Variants in CLINT1 observed in about 807,000 individuals in gnomAD.
The protein encoded by CLINT1 is clathrin interactor 1.
A neutral mutation model predicts 70.4 loss-of-function variants in CLINT1; 15 were observed. The ratio of observed to expected loss-of-function variants is 0.21; its 90% CI spans 0.14 to 0.33. CLINT1 has a LOEUF of 0.33. Among genes scored for constraint, CLINT1 ranks in the 10% least tolerant of loss-of-function variants. The probability of loss-of-function intolerance (pLI) is 1.00; values close to 1 mark genes in which losing one functional copy is unlikely to be tolerated. For synonymous variants in CLINT1, 227 were observed against 254.7 expected (o/e 0.89, Z 1.04); for missense variants, 615 against 778.1 (o/e 0.79, Z 2.49).
intron 3 of CLINT1, 110 bp downstream of exon 3, chr5:157,816,624 A>G: frequency 1.5e-6 from 1 of 665,730 alleles, no homozygotes; most frequent in South Asian, 1.9e-5. Flanking sequence ...GCTTTCGATT[A>G]TTCTATTCTA....
intron 1 of CLINT1, among the ~76,000 whole-genome samples, chr5:157,828,889 G>T (rs1246531075): frequency 7.4e-6 from 1 of 135,328 alleles, no homozygotes; most frequent in Non-Finnish European, 1.5e-5. Context: ...AGGAGTTCGA[G>T]ACCAGCCTGG....
intron 6 of CLINT1, among the ~76,000 whole-genome samples, chr5:157,808,026 C>G (rs1762437608): frequency 6.6e-6 from 1 of 151,998 alleles, no homozygotes; most frequent in African/African-American, 2.4e-5. Context: ...ATTTTTAGCA[C>G]TTTGAATAAA....
chr5:157,790,355 T>G lies in CLINT1; in HGVS notation c.1381-842A>C, dbSNP rs990647033. On this transcript the variant is annotated intron_variant, in intron 10 of 11. Transcript: ENST00000411809. ...ACTATCTAAAGTGAGCAACACTAAC[T>G]GAACTGATTAATATATGGAACAATG... The G allele has an allele frequency of 2.6e-5, 6 of 234,608 alleles. No individual in the cohort carries two copies. In the Admixed American group the frequency reaches 2.6e-4, roughly 10 times the overall value. 14.5% of individuals were successfully genotyped at this position (234,608 alleles called of 1,614,324 possible). A position where few individuals can be genotyped will look rare whatever the true frequency, so the allele number is the denominator to read the frequency against.
chr5:157,805,278 AT>A (rs1762352780), intron 7 of CLINT1, among the ~76,000 whole-genome samples: 1 of 152,054 alleles, frequency 6.6e-6, no homozygotes, highest in Non-Finnish European at 1.5e-5. Flanking sequence ...TTTGAGGCAA[AT>A]CTCCCTATTT....
chr5:157,809,383 A>G (rs1762477015), intron 6 of CLINT1, among the ~76,000 whole-genome samples: 1 of 151,732 alleles, frequency 6.6e-6, no homozygotes, highest in Admixed American at 6.6e-5. Flanking sequence ...CACCATAGTA[A>G]TGCAAGATGT....
At chr5:157,798,798 T>C (rs1762134838) in intron 8 of CLINT1, among the ~76,000 whole-genome samples, 1 of 152,022 alleles carries the variant, frequency 6.6e-6, no homozygotes. Flanking sequence ...GGTGCTATTG[T>C]ACTACAAAAT....
chr5:157,809,391 T>C (rs1426319877), intron 6 of CLINT1, among the ~76,000 whole-genome samples: 1 of 151,792 alleles, frequency 6.6e-6, no homozygotes, highest in African/African-American at 2.4e-5. Context: ...TAATGCAAGA[T>C]GTTCACAGAA....
At chr5:157,842,692 T>C (rs1753227035) in intron 1 of CLINT1, among the ~76,000 whole-genome samples, 1 of 152,244 alleles carries the variant, frequency 6.6e-6, no homozygotes, top group Non-Finnish European at 1.5e-5. Context: ...CATTATCTAT[T>C]CCAGTACAAG....
intron 1 of CLINT1, among the ~76,000 whole-genome samples, chr5:157,855,145 A>G: frequency 1.3e-5 from 1 of 75,708 alleles, no homozygotes; most frequent in Non-Finnish European, 2.6e-5. Flanking sequence ...TGTCTCCGAA[A>G]AAAAAAAAAG....
rs1020072935 is a variant in CLINT1 at position 157,787,174 on chromosome 5, A to G, written c.*472T>C. On this transcript the variant is annotated 3_prime_UTR_variant, in exon 12 of 12. Coordinates refer to ENST00000411809, the MANE Select transcript of CLINT1 (RefSeq NM_014666.4). Reference sequence around the variant, plus strand: ...GACAAAAATATATATTTTTATAAAAAACTGATCATCCAACTTTAATGATTT... The same window carrying G: ...GACAAAAATATATATTTTTATAAAAGACTGATCATCCAACTTTAATGATTT... 6.5e-6 allele frequency: 1 copy of G among 154,260 alleles called. No individual in the cohort carries two copies. The highest frequency in any genetic ancestry group is 2.4e-5 in the African/African-American group (1 of 41,450). 9.6% of individuals were successfully genotyped at this position (154,260 alleles called of 1,614,324 possible).
chr5:157,822,157 G>T (rs770840172), intron 1 of CLINT1, among the ~76,000 whole-genome samples: 7 of 151,864 alleles, frequency 4.6e-5, no homozygotes, highest in Non-Finnish European at 1.0e-4. Context: ...TCATGAGGGC[G>T]GTTTCCCTCA....
At chr5:157,840,192 C>CAAAAAAAAAAAAAAAAAAAAAAAAAA (rs57245921) in intron 1 of CLINT1, among the ~76,000 whole-genome samples, 1 of 55,330 alleles carries the variant, frequency 1.8e-5, no homozygotes, top group Admixed American at 3.1e-4. Context: ...GAGACTGCCT[C>CAAAAAAAAAAAAAAAAAAAAAAAAAA]AAAAAAAAAA....
At chr5:157,823,652 G>T in intron 1 of CLINT1, 1 of 354,798 alleles carries the variant, frequency 2.8e-6, no homozygotes, top group Non-Finnish European at 3.9e-6. Context: ...TATCCTCAAT[G>T]CCACAAAGGT....
At chr5:157,807,888 G>C (rs1224314386) in intron 6 of CLINT1, among the ~76,000 whole-genome samples, 1 of 152,004 alleles carries the variant, frequency 6.6e-6, no homozygotes, top group African/African-American at 2.4e-5. Flanking sequence ...TAAAACCTAA[G>C]ACCCAACCAG....
chr5:157,794,091 C>T (rs1442809236), intron 9 of CLINT1, among the ~76,000 whole-genome samples: 1 of 152,102 alleles, frequency 6.6e-6, no homozygotes, highest in Non-Finnish European at 1.5e-5. Flanking sequence ...ACACTTAATA[C>T]TGAATGTAGC....
intron 3 of CLINT1, among the ~76,000 whole-genome samples, chr5:157,815,113 T>TCACACA (rs965917018): frequency 1.5e-5 from 2 of 133,612 alleles, no homozygotes; most frequent in Admixed American, 7.6e-5. Context: ...ATAGACATCT[T>TCACACA]CACACATACA....
At chr5:157,798,591 A>G (rs1182511116) in intron 8 of CLINT1, among the ~76,000 whole-genome samples, 1 of 152,216 alleles carries the variant, frequency 6.6e-6, no homozygotes, top group African/African-American at 2.4e-5. Context: ...AAAAAAATGT[A>G]AATACATGAC....
At chr5:157,833,776 C>CA (rs1446388590) in intron 1 of CLINT1, among the ~76,000 whole-genome samples, 1 of 151,526 alleles carries the variant, frequency 6.6e-6, no homozygotes, top group East Asian at 2.0e-4. Context: ...CTCATCTTTA[C>CA]AAAAAAATAC....
chr5:157,797,575 G>A (rs1429048716), intron 8 of CLINT1, among the ~76,000 whole-genome samples: 4 of 151,808 alleles, frequency 2.6e-5, no homozygotes, highest in African/African-American at 4.8e-5. Context: ...TAGTAGAGAC[G>A]GGGTTTTACC....
Sources: gnomAD v4.1 joint callset for allele counts (sites outside exome capture counted in the v4.1 genomes callset) on GRCh38, gnomAD v4.1.1 for gene constraint, MANE v1.5 for transcripts, NCBI Gene and HGNC (gene_info 2026-07-23, HGNC 2026-07-21) for gene names.